Variants in PPP2R3C observed in about 807,000 individuals in gnomAD.
PPP2R3C encodes the protein protein phosphatase 2 regulatory subunit B''gamma.
Under a neutral mutation model 63.7 loss-of-function variants are expected in PPP2R3C, and 47 were observed. That is an observed-to-expected ratio of 0.74 (90% CI 0.58 to 0.94). The LOEUF is 0.94. Among genes scored for constraint, PPP2R3C ranks in the 40% least tolerant of loss-of-function variants. PPP2R3C has a pLI of 0.00. For missense variants in PPP2R3C, 421 were observed against 518.4 expected, an observed-to-expected ratio of 0.81 and a Z score of 1.82; for synonymous variants, 180 against 177.4, an observed-to-expected ratio of 1.01 and a Z score of -0.12.
chr14:35,109,106 G>T (rs548572096), intron 4 of PPP2R3C, among the ~76,000 whole-genome samples: 34 of 151,804 alleles, frequency 2.2e-4, no homozygotes, highest in African/African-American at 8.0e-4. Flanking sequence ...TGCCAAGCTG[G>T]AGTGCAGTGG....
rs2045672080 is a variant in PPP2R3C, at chr14:35,088,186, C to T, written c.1114-176G>A. Reference sequence around the variant, plus strand: ...CCTTATTCCACATCAGTGAGCAAAACCTAAATTCTCGATTAGTGTATTGAC... The same window carrying T: ...CCTTATTCCACATCAGTGAGCAAAATCTAAATTCTCGATTAGTGTATTGAC... On this transcript the variant is annotated intron_variant, in intron 11 of 12. Transcript: ENST00000261475. 4.9e-6 allele frequency: 3 copies of T among 610,188 alleles called. No individual in the cohort carries two copies. The South Asian group carries it at 6.0e-5, about 12-fold the overall frequency. 37.8% of individuals were successfully genotyped at this position (610,188 alleles called of 1,614,324 possible). A position where few individuals can be genotyped will look rare whatever the true frequency, so the allele number is the denominator to read the frequency against.
chr14:35,107,576 C>A, intron 5 of PPP2R3C: 2 of 558,036 alleles, frequency 3.6e-6, no homozygotes, highest in Non-Finnish European at 6.5e-6. Flanking sequence ...ATAAAATTGA[C>A]ACCTTGAAGA....
intron 2 of PPP2R3C, among the ~76,000 whole-genome samples, chr14:35,114,050 C>T (rs545166375): frequency 6.6e-6 from 1 of 152,278 alleles, no homozygotes; most frequent in South Asian, 2.1e-4. Context: ...AGTGCTTAGA[C>T]ACTCAATAAA....
intron 6 of PPP2R3C, among the ~76,000 whole-genome samples, chr14:35,104,214 T>C (rs1438521590): frequency 1.7e-5 from 2 of 115,624 alleles, no homozygotes; most frequent in African/African-American, 3.2e-5. Flanking sequence ...TGGCTAATTA[T>C]GTCTTCCTTG....
At chr14:35,094,070 A>G (rs1318026136) in intron 10 of PPP2R3C, among the ~76,000 whole-genome samples, 1 of 152,234 alleles carries the variant, frequency 6.6e-6, no homozygotes, top group Non-Finnish European at 1.5e-5. Flanking sequence ...AGACTAATAC[A>G]ACCTGATTCT....
At chr14:35,118,817 C>A (rs1415489749) in intron 1 of PPP2R3C, among the ~76,000 whole-genome samples, 1 of 151,942 alleles carries the variant, frequency 6.6e-6, no homozygotes, top group Non-Finnish European at 1.5e-5. Flanking sequence ...CAATGCCCGG[C>A]TAAATTTTGT....
chr14:35,116,455 A>G (rs554333515), intron 2 of PPP2R3C, among the ~76,000 whole-genome samples, 155 bp downstream of exon 2: 2 of 152,132 alleles, frequency 1.3e-5, no homozygotes, highest in South Asian at 4.2e-4. Context: ...GGATCTTGCT[A>G]TGTTGCCCTG....
chr14:35,095,102 G>A lies in PPP2R3C; in HGVS notation c.921C>T (p.Thr307=). 1 of 1,608,148 alleles carries A rather than the reference G, an allele frequency of 6.2e-7. No individual in the cohort carries two copies. The highest frequency in any genetic ancestry group is 1.7e-5 in the Admixed American group (1 of 60,016). Reference sequence around the variant, plus strand: ...GGAAAACACGGTCTAAGAAGACATTGGTCATGGTAGCTGTTCCATAGCGTG... The same window carrying A: ...GGAAAACACGGTCTAAGAAGACATTAGTCATGGTAGCTGTTCCATAGCGTG... The part of the protein sequence containing the change: ...ELSRYGTATM[T]NVFLDRVFQE... The change falls in exon 10 of 13, where the codon ACC becomes ACT. Residue 307 remains threonine (T), a synonymous_variant. Transcript: ENST00000261475.
At chr14:35,108,980 T>C (rs2046454196) in intron 4 of PPP2R3C, among the ~76,000 whole-genome samples, 2 of 152,198 alleles carry the variant, frequency 1.3e-5, no homozygotes, top group African/African-American at 2.4e-5. Context: ...GATGGGCACG[T>C]GAGCCACAGT....
chr14:35,112,307 T>C (rs2046587812), intron 2 of PPP2R3C, among the ~76,000 whole-genome samples: 2 of 152,230 alleles, frequency 1.3e-5, no homozygotes, highest in Non-Finnish European at 2.9e-5. Flanking sequence ...CTTGCTATGT[T>C]GCCCAGGTTG....
intron 1 of PPP2R3C, among the ~76,000 whole-genome samples, chr14:35,119,062 T>C (rs2046785576): frequency 7.0e-6 from 1 of 143,442 alleles, no homozygotes; most frequent in South Asian, 2.2e-4. Flanking sequence ...TTTTGAGATG[T>C]AGTCTCGTTC....
At chr14:35,106,151 T>C (rs1335195850) in intron 6 of PPP2R3C, among the ~76,000 whole-genome samples, 1 of 152,136 alleles carries the variant, frequency 6.6e-6, no homozygotes, top group Non-Finnish European at 1.5e-5. Flanking sequence ...GGCATCCTTG[T>C]CTACTGTCTC....
At chr14:35,097,482 C>CT (rs988302767) in intron 7 of PPP2R3C, among the ~76,000 whole-genome samples, 9,673 of 133,746 alleles carry the variant, frequency 0.072, 446 homozygotes, top group Middle Eastern at 0.12. Context: ...TGTTCTTGTT[C>CT]TTTTTTTTTT....
chr14:35,104,586 A>G (rs1187326137), intron 6 of PPP2R3C, among the ~76,000 whole-genome samples: 1 of 152,236 alleles, frequency 6.6e-6, no homozygotes, highest in Non-Finnish European at 1.5e-5. Flanking sequence ...CAGAAGAAGC[A>G]TAGCCATTTG....
At chr14:35,107,607 A>G in intron 5 of PPP2R3C, 2 of 485,722 alleles carry the variant, frequency 4.1e-6, no homozygotes, top group South Asian at 6.3e-5. Context: ...TACCAATTAA[A>G]CTTGGTGTTC....
chr14:35,120,117 GCT>G (rs2046822155), intron 1 of PPP2R3C, among the ~76,000 whole-genome samples: 1 of 151,832 alleles, frequency 6.6e-6, no homozygotes, highest in African/African-American at 2.4e-5. Context: ...GGGATTACAG[GCT>G]TGAGCCACCG....
At chr14:35,117,301 C>T (rs747302853) in intron 1 of PPP2R3C, 13 of 391,074 alleles carry the variant, frequency 3.3e-5, no homozygotes, top group Non-Finnish European at 6.1e-5. Context: ...TTCCTCCCCA[C>T]TTATTTGTGG....
chr14:35,097,586 G>A (rs2046039918), intron 7 of PPP2R3C, among the ~76,000 whole-genome samples: 3 of 151,212 alleles, frequency 2.0e-5, no homozygotes, highest in Admixed American at 6.6e-5. Context: ...GGGTTCAAGC[G>A]ATTCTCCTGC....
chr14:35,112,209 G>A (rs2046583800), intron 2 of PPP2R3C, among the ~76,000 whole-genome samples: 1 of 152,200 alleles, frequency 6.6e-6, no homozygotes, highest in South Asian at 2.1e-4. Context: ...TGATTTCCAT[G>A]AGCAGAGCTT....
Sources: allele counts gnomAD v4.1 joint callset (sites outside exome capture counted in the v4.1 genomes callset), GRCh38; gene constraint gnomAD v4.1.1; transcripts MANE v1.5; gene names NCBI Gene and HGNC (gene_info 2026-07-23, HGNC 2026-07-21).